Variants in MORC1 observed in about 807,000 individuals in gnomAD.
MORC1 encodes the protein MORC family CW-type zinc finger protein 1.
MORC1 carries 59 observed loss-of-function variants against 134.9 expected under a neutral mutation model. That is an observed-to-expected ratio of 0.44 (90% CI 0.35 to 0.54). The LOEUF (loss-of-function observed/expected upper bound fraction) is 0.54, where lower values mean the gene tolerates loss of function less well. MORC1 is among the 20% of genes least tolerant of loss of function. The probability of loss-of-function intolerance (pLI) is 0.00; values close to 1 mark genes in which losing one functional copy is unlikely to be tolerated. For missense variants in MORC1, 947 were observed against 1,134.5 expected, an observed-to-expected ratio of 0.83 and a Z score of 2.37; for synonymous variants, 395 against 391.7, an observed-to-expected ratio of 1.01 and a Z score of -0.10.
At chr3:109,028,097 T>G (rs1298264959) in intron 16 of MORC1, among the ~76,000 whole-genome samples, 1 of 152,172 alleles carries the variant, frequency 6.6e-6, no homozygotes, top group Non-Finnish European at 1.5e-5. Context: ...ATAAAAAATG[T>G]GGACAGTACC....
intron 24 of MORC1, among the ~76,000 whole-genome samples, chr3:108,976,564 G>C (rs1033624619): frequency 2.6e-5 from 4 of 152,206 alleles, no homozygotes; most frequent in African/African-American, 9.6e-5. Flanking sequence ...TGAAATTTGA[G>C]AAAACATACT....
intron 2 of MORC1, 110 bp downstream of exon 2, chr3:109,114,274 A>C: frequency 1.0e-6 from 1 of 972,802 alleles, no homozygotes; most frequent in Non-Finnish European, 1.5e-6. Context: ...CAAGTCACAA[A>C]ACATTCCAGA....
intron 8 of MORC1, among the ~76,000 whole-genome samples, chr3:109,071,504 C>T (rs1371747448): frequency 6.6e-6 from 1 of 152,118 alleles, no homozygotes; most frequent in Non-Finnish European, 1.5e-5. Flanking sequence ...TGGGCCTTAG[C>T]ACACAATTGT....
chr3:109,049,588 C>T (rs62274661), intron 14 of MORC1, among the ~76,000 whole-genome samples: 4,738 of 152,082 alleles, frequency 0.031, 137 homozygotes, highest in South Asian at 0.12. Flanking sequence ...CCTAATAAGG[C>T]GATAAACTTT....
At chr3:109,071,843 T>C (rs1256632746) in intron 8 of MORC1, among the ~76,000 whole-genome samples, 3 of 152,146 alleles carry the variant, frequency 2.0e-5, no homozygotes, top group Non-Finnish European at 4.4e-5. Context: ...ATGGTTTGCA[T>C]ATCTAGACAC....
At chr3:108,962,631 C>T (rs1947111542) in intron 27 of MORC1, among the ~76,000 whole-genome samples, 1 of 152,132 alleles carries the variant, frequency 6.6e-6, no homozygotes, top group Non-Finnish European at 1.5e-5. Context: ...CACAGGCTCC[C>T]TAGGCTCACT....
At chr3:108,994,400 T>A (rs1271988772) in intron 21 of MORC1, among the ~76,000 whole-genome samples, 2 of 151,140 alleles carry the variant, frequency 1.3e-5, no homozygotes, top group Non-Finnish European at 3.0e-5. Context: ...AGTCAGTCAA[T>A]AAAAAAAATT....
chr3:109,041,086 T>G (rs1576667572), intron 14 of MORC1, among the ~76,000 whole-genome samples: 1 of 148,878 alleles, frequency 6.7e-6, no homozygotes, highest in African/African-American at 2.5e-5. Flanking sequence ...CCAAGGTGGG[T>G]GGATCACAAG....
chr3:109,117,595 C>T (rs1480410749), intron 1 of MORC1, among the ~76,000 whole-genome samples: 4 of 152,132 alleles, frequency 2.6e-5, no homozygotes, highest in Non-Finnish European at 5.9e-5. Context: ...TTTGAAAAGA[C>T]TCAGGAGGCC....
Position 109,033,746 on chromosome 3 carries a change from ATCC to A in MORC1, c.1460-924_1460-922del, listed in dbSNP as rs772569399. Among the ~76,000 whole-genome samples, 31 of 152,252 alleles carry A rather than the reference ATCC, an allele frequency of 2.0e-4. No individual in the cohort carries two copies. In the Middle Eastern group the frequency reaches 0.01, roughly 50 times the overall value. On this transcript the variant is annotated intron_variant, in intron 15 of 27. Transcript: ENST00000232603. ...TAAAAGTTACTGAGAATGAAATGAC[ATCC>A]TCCTCCTCATCATCATCATAAAAAC...
chr3:108,972,601 C>G (rs1270008423), intron 24 of MORC1, among the ~76,000 whole-genome samples: 1 of 152,068 alleles, frequency 6.6e-6, no homozygotes, highest in Non-Finnish European at 1.5e-5. Flanking sequence ...AAAGGTGGAG[C>G]AGCTTCCAGG....
At chr3:109,034,309 C>T (rs1337556496) in intron 15 of MORC1, among the ~76,000 whole-genome samples, 1 of 152,192 alleles carries the variant, frequency 6.6e-6, no homozygotes, top group Non-Finnish European at 1.5e-5. Flanking sequence ...GTTTTACACA[C>T]TATAGGCTGC....
At position 109,018,359 on chromosome 3, in the gene MORC1, C is replaced by T. The variant is rs1009556146; in HGVS notation, c.1704+9392G>A. 2.0e-5 allele frequency among the ~76,000 whole-genome samples: 3 copies of T among 151,998 alleles called. No individual in the cohort carries two copies. In the East Asian group the frequency reaches 5.8e-4, roughly 29 times the overall value. On this transcript the variant is annotated intron_variant, in intron 17 of 27. Coordinates refer to ENST00000232603, the MANE Select transcript of MORC1 (RefSeq NM_014429.4). ...AGAGGGCATGTGAAGAGATTTGCCT[C>T]CAGAGACATTTACCTCCCTGGAAAT...
chr3:109,063,184 T>C lies in MORC1; in HGVS notation c.863A>G (p.Glu288Gly). 6.2e-7 allele frequency: 1 copy of C among 1,603,156 alleles called. No homozygotes were observed. Reference sequence around the variant, plus strand: ...TACTGCTTCTTCTGCCTTTTTAACTTCATCTTTAAATGCTCCTTTAAAAGA... The same window carrying C: ...TACTGCTTCTTCTGCCTTTTTAACTCCATCTTTAAATGCTCCTTTAAAAGA... ...TSSFKGAFKD[E>G]VKKAEEAVKI... Residue 288 changes from glutamate to glycine, a missense_variant, in exon 10 of 28, where the codon GAA (glutamate) becomes GGA (glycine). Transcript: ENST00000232603.
At chr3:109,092,180 C>T (rs1169540319) in intron 8 of MORC1, among the ~76,000 whole-genome samples, 2 of 152,130 alleles carry the variant, frequency 1.3e-5, no homozygotes, top group Non-Finnish European at 2.9e-5. Context: ...CATATTAATG[C>T]TGGCACAGTG....
chr3:108,992,300 CTCTCT>C (rs1205595131), intron 21 of MORC1, among the ~76,000 whole-genome samples: 1 of 152,148 alleles, frequency 6.6e-6, no homozygotes, highest in Non-Finnish European at 1.5e-5. Flanking sequence ...GGAATGGCTT[CTCTCT>C]TCTCTTCCTT....
intron 21 of MORC1, among the ~76,000 whole-genome samples, chr3:108,994,886 C>T (rs1162689930): frequency 1.3e-5 from 2 of 152,070 alleles, no homozygotes; most frequent in African/African-American, 2.4e-5. Flanking sequence ...AGAATAGATC[C>T]CCTAGGATGT....
At chr3:108,974,742 G>C (rs1187942202) in intron 24 of MORC1, among the ~76,000 whole-genome samples, 1 of 152,186 alleles carries the variant, frequency 6.6e-6, no homozygotes, top group Non-Finnish European at 1.5e-5. Context: ...AATAAAATCA[G>C]AAATTTGTCT....
intron 17 of MORC1, among the ~76,000 whole-genome samples, chr3:109,011,518 G>GTTTTTTTTTTTTTTTTTTTT (rs1224840111): frequency 6.8e-6 from 1 of 146,094 alleles, no homozygotes; most frequent in African/African-American, 2.6e-5. Flanking sequence ...TTTGTGCTTT[G>GTTTTTTTTTTTTTTTTTTTT]TTTTTGTTTT....
Sources: allele counts gnomAD v4.1 joint callset (sites outside exome capture counted in the v4.1 genomes callset), GRCh38; gene constraint gnomAD v4.1.1; transcripts MANE v1.5; gene names NCBI Gene and HGNC (gene_info 2026-07-23, HGNC 2026-07-21).